Variants in COPB1 observed in about 807,000 individuals in gnomAD.
The protein encoded by COPB1 is coat protein complex I subunit beta 1.
COPB1 carries 21 observed loss-of-function variants against 108.7 expected under a neutral mutation model. The observed-to-expected ratio is 0.19, with a 90% CI of 0.14 to 0.28. The LOEUF (loss-of-function observed/expected upper bound fraction) is 0.28, where lower values mean the gene tolerates loss of function less well. Among genes scored for constraint, COPB1 ranks in the 10% least tolerant of loss-of-function variants. The pLI, the probability that COPB1 is intolerant of heterozygous loss-of-function variation, is 1.00. For missense variants in COPB1, 919 were observed against 1,141.3 expected (o/e 0.81, Z 2.81); for synonymous variants, 378 against 386.8 (o/e 0.98, Z 0.27).
intron 14 of COPB1, 119 bp downstream of exon 14, chr11:14,474,376 A>T (rs1850471314): frequency 1.2e-6 from 1 of 839,626 alleles, no homozygotes; most frequent in Non-Finnish European, 1.8e-6. Context: ...TCTGCTATTA[A>T]ATCATAAACT....
At position 14,494,274 on chromosome 11, in the gene COPB1, G is replaced by T; in HGVS notation, c.257C>A (p.Pro86His). The T allele has an allele frequency of 6.2e-7, 1 of 1,613,722 alleles. No homozygotes were observed. Among genetic ancestry groups the T allele is most frequent in the Non-Finnish European group, 8.5e-7 (1 of 1,179,826 alleles). The change falls in exon 3 of 22, where the codon CCT becomes CAT. Residue 86 changes from proline (P) to histidine (H), a missense_variant. Transcript: ENST00000439561. ...KLLLVFWEIV[P>H]KTTPDGRLLH... ...AAGTCTCCCATCTGGAGTTGTTTTAGGAACAATTTCCCAAAATACCAGAAG... is the reference window on the plus strand; with the variant it reads ...AAGTCTCCCATCTGGAGTTGTTTTATGAACAATTTCCCAAAATACCAGAAG...
chr11:14,485,666 G>T (rs899098010), intron 7 of COPB1, among the ~76,000 whole-genome samples: 1 of 152,116 alleles, frequency 6.6e-6, no homozygotes, highest in Non-Finnish European at 1.5e-5. Context: ...GGCCAACATG[G>T]TGAAACTCCA....
chr11:14,495,439 T>G lies in COPB1; in HGVS notation c.92-1000A>C, dbSNP rs1168880383. On this transcript the variant is annotated intron_variant, in intron 2 of 21. Coordinates refer to ENST00000439561, the MANE Select transcript of COPB1 (RefSeq NM_001144061.2). Reference sequence around the variant, plus strand: ...AATATGAGAAATACATTTCTAATGATTAGAGCTAAGCGGCTATGAAACAGA... The same window carrying G: ...AATATGAGAAATACATTTCTAATGAGTAGAGCTAAGCGGCTATGAAACAGA... 4.7e-4 allele frequency among the ~76,000 whole-genome samples: 71 copies of G among 152,228 alleles called. 1 individual carries two copies. The highest frequency in any genetic ancestry group is 4.6e-3 in the Admixed American group (71 of 15,286).
chr11:14,461,449 C>T, intron 18 of COPB1, 118 bp from the exon 19 acceptor site: 1 of 1,013,228 alleles, frequency 9.9e-7, no homozygotes, highest in South Asian at 1.6e-5. Context: ...TTATATAATA[C>T]TTATTATGTA....
Position 14,466,365 on chromosome 11 carries a change from T to C in COPB1, c.2207A>G (p.Gln736Arg), listed in dbSNP as rs538288312. 1.2e-6 allele frequency: 2 copies of C among 1,613,556 alleles called. No individual in the cohort carries two copies. Among genetic ancestry groups the C allele is most frequent in the South Asian group, 2.2e-5 (2 of 91,074 alleles). ...AAGTACATCCAGGACAATATCATAT[T>C]GGTTGACATGAACGTAAGCTTCTGC... is the stretch of plus-strand genomic sequence containing the variant. ...VYAEAYVHVN[Q>R]YDIVLDVLVV... Residue 736 changes from glutamine to arginine, a missense_variant, in exon 17 of 22, where the codon CAA (glutamine) becomes CGA (arginine). Transcript: ENST00000439561.
rs751622704 is a variant in COPB1 at position 14,493,803 on chromosome 11, T to C, written c.330A>G (p.Gln110=). The C allele has an allele frequency of 3.2e-6, 5 of 1,578,378 alleles. No homozygotes were observed. The highest frequency in any genetic ancestry group is 8.6e-7 in the Non-Finnish European group (1 of 1,164,246). ...LVCDAYRKDL[Q]HPNEFIRGST... ...ATCCTCGAATAAATTCATTAGGATG[T>C]TGAAGATCCTGATATAAAAATTAAA... Residue 110 remains glutamine (Q), a synonymous_variant, in exon 4 of 22, where the codon CAA becomes CAG. Coordinates refer to ENST00000439561, the MANE Select transcript of COPB1 (RefSeq NM_001144061.2).
chr11:14,495,418 T>A, intron 2 of COPB1, among the ~76,000 whole-genome samples: 1 of 152,228 alleles, frequency 6.6e-6, no homozygotes, highest in East Asian at 1.9e-4. Flanking sequence ...GGCCTAAATA[T>A]GAGAAATACA....
rs752081939 is a variant in COPB1, at chr11:14,460,308, G to GA, written c.2557-12dup. 3.1e-5 allele frequency: 47 copies of GA among 1,526,006 alleles called. No individual in the cohort carries two copies. The highest frequency in any genetic ancestry group is 7.1e-5 in the South Asian group (6 of 84,298). 94.5% of individuals were successfully genotyped at this position (1,526,006 alleles called of 1,614,324 possible). On this transcript the variant is annotated splice_polypyrimidine_tract_variant and intron_variant, in intron 19 of 21. Transcript: ENST00000439561. ...GGTGTTAACTGTCACCTGTAGAGAG[G>GA]AAAAAAAAGTCAAGGAGATCATAAA...
chr11:14,480,350 T>C (rs1589961939), intron 10 of COPB1, among the ~76,000 whole-genome samples: 2 of 152,278 alleles, frequency 1.3e-5, no homozygotes, highest in Middle Eastern at 6.8e-3. Context: ...CAAATTATAA[T>C]AACATACCTC....
At chr11:14,471,853 C>T (rs771891880) in intron 14 of COPB1, among the ~76,000 whole-genome samples, 10 of 152,206 alleles carry the variant, frequency 6.6e-5, no homozygotes, top group South Asian at 4.1e-4. Context: ...ACCCAGGAGG[C>T]GGAGGTTGCA....
intron 9 of COPB1, 29 bp from the exon 10 acceptor site, chr11:14,480,934 A>C: frequency 6.2e-7 from 1 of 1,613,396 alleles, no homozygotes; most frequent in Non-Finnish European, 8.5e-7. Context: ...AATAAGTGAG[A>C]GTTACATCAT....
rs1004802735 is a variant in COPB1 at position 14,483,151 on chromosome 11, C to A, written c.838G>T (p.Ala280Ser). ...AAATCAATGTAACACTGAGCAGCAG[C>A]CTATATAAAAAAAGAAATACATTTT... is the stretch of plus-strand genomic sequence containing the variant. Reference protein sequence around the residue: ...TLSSAPTAIKAAAQCYIDLII... With the variant: ...TLSSAPTAIKSAAQCYIDLII... The change falls in exon 8 of 22, where the codon GCT (alanine) becomes TCT (serine). Residue 280 changes from alanine to serine, a missense_variant and splice_region_variant. Physicochemically the swap from Ala to Ser is moderately conservative, Grantham distance 99. This residue lies in a region of COPB1 where 705 missense variants were observed against 817.8 expected (regional missense o/e 0.86). Transcript: ENST00000439561. 16 of 1,525,650 alleles carry A rather than the reference C, an allele frequency of 1.0e-5. No homozygotes were observed. Among genetic ancestry groups the A allele is most frequent in the Non-Finnish European group, 1.3e-5 (15 of 1,128,190 alleles). The allele number at this position is 1,525,650 out of a possible 1,614,324, so 94.5% of individuals were successfully genotyped here.
chr11:14,496,708 T>G (rs571544395), intron 2 of COPB1, among the ~76,000 whole-genome samples: 18 of 151,822 alleles, frequency 1.2e-4, no homozygotes, highest in African/African-American at 4.3e-4. Context: ...ATCCTAAAAT[T>G]TATATGGAAC....
At chr11:14,462,638 C>CT (rs533875782) in intron 18 of COPB1, among the ~76,000 whole-genome samples, 182 of 152,304 alleles carry the variant, frequency 1.2e-3, no homozygotes, top group African/African-American at 4.0e-3. Flanking sequence ...AAAAACAACT[C>CT]TCTCTCTTGG....
intron 12 of COPB1, 80 bp from the exon 13 acceptor site, chr11:14,476,025 C>T (rs1262809820): frequency 3.6e-5 from 46 of 1,275,184 alleles, no homozygotes; most frequent in Non-Finnish European, 4.7e-5. Flanking sequence ...GATTGTTTCT[C>T]TAAAAAAGGC....
At chr11:14,493,833 GA>G in intron 3 of COPB1, 22 bp from the exon 4 acceptor site, 1 of 1,508,508 alleles carries the variant, frequency 6.6e-7, no homozygotes, top group Non-Finnish European at 8.9e-7. Flanking sequence ...ATTAAAATAT[GA>G]AATGCTGAGT....
intron 20 of COPB1, among the ~76,000 whole-genome samples, chr11:14,459,638 CAG>C (rs1463006255): frequency 6.6e-6 from 1 of 152,140 alleles, no homozygotes; most frequent in Non-Finnish European, 1.5e-5. Context: ...CTTTTTGAGA[CAG>C]AGTTTCACTC....
chr11:14,461,879 T>G (rs1022988951), intron 18 of COPB1, among the ~76,000 whole-genome samples: 10 of 152,312 alleles, frequency 6.6e-5, no homozygotes, highest in Middle Eastern at 3.4e-3. Flanking sequence ...GATGCTCAAG[T>G]CCCTGATATT....
chr11:14,468,763 T>G lies in COPB1; in HGVS notation c.2063A>C (p.Gln688Pro). The G allele has an allele frequency of 6.2e-7, 1 of 1,614,184 alleles. No homozygotes were observed. The highest frequency in any genetic ancestry group is 8.5e-7 in the Non-Finnish European group (1 of 1,180,006). The change falls in exon 16 of 22, where the codon CAG (glutamine) becomes CCG (proline). Residue 688 changes from glutamine (Q) to proline (P), a missense_variant. Transcript: ENST00000439561. ...TGCTGCCAGTAAACTCAGCTGAAAC[T>G]GATCTTCCTTGCAGTTCATTTCATT... ...AKNEMNCKED[Q>P]FQLSLLAAMG...
Sources: allele counts gnomAD v4.1 joint callset (sites outside exome capture counted in the v4.1 genomes callset), GRCh38; gene constraint gnomAD v4.1.1; regional missense constraint gnomAD v4.1.1; transcripts MANE v1.5; gene names NCBI Gene and HGNC (gene_info 2026-07-23, HGNC 2026-07-21).